KHDC4: variants seen among roughly 807,000 people sequenced by gnomAD.
KHDC4 encodes the protein KH homology domain-containing protein 4.
In KHDC4, 19 loss-of-function variants were observed where a neutral mutation model predicts 74.5. The ratio of observed to expected loss-of-function variants is 0.26; its 90% confidence interval spans 0.18 to 0.37. KHDC4 has a LOEUF of 0.37. Ranked by LOEUF, KHDC4 falls within the 10% of genes least tolerant of loss-of-function variation. KHDC4 has a pLI of 1.00. For synonymous variants in KHDC4, 253 were observed against 266.1 expected (o/e 0.95, Z 0.48); for missense variants, 632 against 754.1 (o/e 0.84, Z 1.90).
chr1:155,926,960 C>A (rs1674014517), intron 5 of KHDC4, 121 bp from the exon 6 acceptor site: 1 of 1,321,838 alleles, frequency 7.6e-7, no homozygotes, highest in African/African-American at 1.4e-5. Context: ...GGCTCTCCAT[C>A]CCTCTAAACT....
At chr1:155,917,410 TG>T in intron 11 of KHDC4, 88 bp downstream of exon 11, 1 of 1,126,532 alleles carries the variant, frequency 8.9e-7, no homozygotes, top group Non-Finnish European at 1.3e-6. Context: ...ATCCTAGTAC[TG>T]GGAGAATGAT....
intron 9 of KHDC4, 100 bp downstream of exon 9, chr1:155,921,761 G>A: frequency 7.1e-7 from 1 of 1,401,786 alleles, no homozygotes. Flanking sequence ...AAATTAAAGG[G>A]AACATTAATA....
At chr1:155,922,535 A>G (rs1401140775) in intron 8 of KHDC4, among the ~76,000 whole-genome samples, 1 of 152,186 alleles carries the variant, frequency 6.6e-6, no homozygotes, top group Non-Finnish European at 1.5e-5. Context: ...AACCATACTC[A>G]ATTCTGGGGT....
intron 5 of KHDC4, 102 bp from the exon 6 acceptor site, chr1:155,926,941 C>CAAAT (rs775799786): frequency 7.9e-4 from 1,102 of 1,399,862 alleles, no homozygotes; most frequent in Non-Finnish European, 1.0e-3. Context: ...ATACGTTACC[C>CAAAT]AAATATGTGG....
chr1:155,916,832 A>G, intron 11 of KHDC4, 95 bp from the exon 12 acceptor site: 6 of 810,346 alleles, frequency 7.4e-6, no homozygotes, highest in Non-Finnish European at 1.0e-5. Flanking sequence ...CATCTTTCTG[A>G]TAAGTTGTAG....
chr1:155,933,163 G>C (rs935857911), intron 2 of KHDC4, among the ~76,000 whole-genome samples: 15 of 152,162 alleles, frequency 9.9e-5, no homozygotes, highest in African/African-American at 3.6e-4. Context: ...AATCAAAAAC[G>C]CCTCGTAAAT....
intron 5 of KHDC4, 56 bp downstream of exon 5, chr1:155,927,048 A>G (rs1674017546): frequency 6.6e-7 from 1 of 1,522,834 alleles, no homozygotes; most frequent in Non-Finnish European, 9.1e-7. Flanking sequence ...TGCTATACAG[A>G]GCCCTGTACT....
chr1:155,929,429 G>A lies in KHDC4; in HGVS notation c.385-54C>T, dbSNP rs2275077. ...ATGTGGCAATTGGTTGATTTCAATG[G>A]CAGACAGATTTTCTTCCCATTCATT... On this transcript the variant is annotated intron_variant, in intron 3 of 13. Transcript: ENST00000368321. 9 of 1,387,198 alleles carry A rather than the reference G, an allele frequency of 6.5e-6. No homozygotes were observed. The South Asian group carries it at 1.1e-4, about 16-fold the overall frequency. The allele number at this position is 1,387,198 out of a possible 1,614,324, so 85.9% of individuals were successfully genotyped here.
chr1:155,923,263 A>G (rs1273171568), intron 8 of KHDC4, among the ~76,000 whole-genome samples: 1 of 152,158 alleles, frequency 6.6e-6, no homozygotes, highest in Non-Finnish European at 1.5e-5. Flanking sequence ...TAATCAAATG[A>G]GCAATCATCC....
intron 4 of KHDC4, among the ~76,000 whole-genome samples, chr1:155,927,565 G>A (rs1009887704): frequency 1.3e-5 from 2 of 152,022 alleles, no homozygotes; most frequent in Admixed American, 6.6e-5. Flanking sequence ...AGCACTTTGG[G>A]AGGCTGAGGT....
intron 10 of KHDC4, chr1:155,919,896 CTTTT>C (rs778252825): frequency 3.4e-6 from 1 of 295,532 alleles, no homozygotes; most frequent in Non-Finnish European, 6.8e-6. Flanking sequence ...TAGTTCATAG[CTTTT>C]TTGTTACACA....
intron 3 of KHDC4, 21 bp from the exon 4 acceptor site, chr1:155,929,396 T>C: frequency 6.3e-7 from 1 of 1,597,524 alleles, no homozygotes; most frequent in Non-Finnish European, 8.6e-7. Context: ...AAATGTTCAA[T>C]TAAAAAAATG....
In KHDC4 at chr1:155,928,951, C is replaced by CAA. The variant is rs11406084; in HGVS notation, c.464+343_464+344dup. ...TGGGCGACAGAGCAAGACTCCATCT[C>CAA]AAAAAAAAAAAAAAAAAGTATATAC... is the stretch of plus-strand genomic sequence containing the variant. On this transcript the variant is annotated intron_variant, in intron 4 of 13. Transcript: ENST00000368321. Among the ~76,000 whole-genome samples, 345 of 93,068 alleles carry CAA rather than the reference C, an allele frequency of 3.7e-3. 4 individuals carry two copies. Among genetic ancestry groups the CAA allele is most frequent in the East Asian group, 0.011 (49 of 4,312 alleles). 61.1% of individuals were successfully genotyped at this position (93,068 alleles called of 152,430 possible). A position where few individuals can be genotyped will look rare whatever the true frequency, so the allele number is the denominator to read the frequency against.
Position 155,926,652 on chromosome 1 carries a change from T to C in KHDC4, c.681+24A>G, listed in dbSNP as rs1187977086. ...ATTTTTATAGAAATGATAATGCTAT[T>C]AACGATCCCTCCCCAAAACATACCC... On this transcript the variant is annotated intron_variant, in intron 6 of 13. Transcript: ENST00000368321. 4 of 1,611,392 alleles carry C rather than the reference T, an allele frequency of 2.5e-6. No individual in the cohort carries two copies. The African/African-American group carries it at 5.3e-5, about 22-fold the overall frequency.
At chr1:155,921,125 G>C in intron 10 of KHDC4, 1 of 500,724 alleles carries the variant, frequency 2.0e-6, no homozygotes, top group Non-Finnish European at 3.6e-6. Flanking sequence ...TTTATAGCAA[G>C]TGTGCCCACC....
rs1021439705 is a variant in KHDC4, at chr1:155,913,699, T to C, written c.*422A>G. Reference sequence around the variant, plus strand: ...TTAAAATCATTTCCCCACTAATAAATAGTAAGGCTCTGTTTGTAACCAGTT... The same window carrying C: ...TTAAAATCATTTCCCCACTAATAAACAGTAAGGCTCTGTTTGTAACCAGTT... On this transcript the variant is annotated 3_prime_UTR_variant, in exon 14 of 14. Transcript: ENST00000368321. 6.2e-6 allele frequency: 1 copy of C among 160,418 alleles called. No individual in the cohort carries two copies. Among genetic ancestry groups the C allele is most frequent in the African/African-American group, 2.4e-5 (1 of 41,518 alleles). The allele number at this position is 160,418 out of a possible 1,614,324, so 9.9% of individuals were successfully genotyped here.
intron 5 of KHDC4, 110 bp from the exon 6 acceptor site, chr1:155,926,949 T>C: frequency 7.4e-7 from 1 of 1,357,084 alleles, no homozygotes; most frequent in South Asian, 1.2e-5. Flanking sequence ...CCCAAATATG[T>C]GGCTCTCCAT....
intron 10 of KHDC4, among the ~76,000 whole-genome samples, chr1:155,918,006 TTC>T (rs1673771812): frequency 6.6e-6 from 1 of 152,164 alleles, no homozygotes; most frequent in Admixed American, 6.5e-5. Flanking sequence ...GTAATAAGCT[TTC>T]TGTTATTTAT....
At chr1:155,918,227 C>T (rs770518633) in intron 10 of KHDC4, among the ~76,000 whole-genome samples, 3 of 152,040 alleles carry the variant, frequency 2.0e-5, no homozygotes, top group Admixed American at 6.6e-5. Flanking sequence ...AATGGTAATA[C>T]GTGTTTTGTT....
Sources: gnomAD v4.1 joint callset for allele counts (sites outside exome capture counted in the v4.1 genomes callset) on GRCh38, gnomAD v4.1.1 for gene constraint, MANE v1.5 for transcripts, NCBI Gene and HGNC (gene_info 2026-07-23, HGNC 2026-07-21) for gene names.